NDUFS1: variants seen among roughly 807,000 people sequenced by gnomAD.
NDUFS1 encodes NADH:ubiquinone oxidoreductase core subunit S1.
Under a neutral mutation model 84.4 loss-of-function variants are expected in NDUFS1, and 61 were observed. That is an observed-to-expected ratio of 0.72 (90% confidence interval 0.59 to 0.89). The LOEUF (loss-of-function observed/expected upper bound fraction) is 0.89. Among genes scored for constraint, NDUFS1 ranks in the 40% least tolerant of loss-of-function variants. NDUFS1 has a pLI of 0.00. For missense variants in NDUFS1, 891 were observed against 890.0 expected (o/e 1.00, Z -0.01); for synonymous variants, 275 against 290.0 (o/e 0.95, Z 0.53).
intron 12 of NDUFS1, 125 bp downstream of exon 12, chr2:206,141,811 AAAAAT>A: frequency 2.3e-6 from 2 of 852,268 alleles, no homozygotes; most frequent in Non-Finnish European, 1.8e-6. Context: ...AAAAAAAAAA[AAAAAT>A]TGTCTTCCAG....
At chr2:206,158,253 C>T (rs1687753241) in intron 1 of NDUFS1, among the ~76,000 whole-genome samples, 1 of 152,202 alleles carries the variant, frequency 6.6e-6, no homozygotes, top group South Asian at 2.1e-4. Context: ...TGAGCCACCG[C>T]CTCCGGCCTT....
At chr2:206,131,768 T>C (rs939337774) in intron 14 of NDUFS1, among the ~76,000 whole-genome samples, 1 of 151,902 alleles carries the variant, frequency 6.6e-6, no homozygotes. Context: ...TGAAACCCAG[T>C]CTCTACTAAA....
chr2:206,140,637 T>C (rs926784166), intron 12 of NDUFS1, among the ~76,000 whole-genome samples: 3 of 151,744 alleles, frequency 2.0e-5, no homozygotes, highest in Non-Finnish European at 4.4e-5. Context: ...TGCGCCACCA[T>C]GCCCGGCTAA....
At position 206,132,458 on chromosome 2, in the gene NDUFS1, G is replaced by A. The variant is rs555691083; in HGVS notation, c.1553+487C>T. 2.6e-5 allele frequency among the ~76,000 whole-genome samples: 4 copies of A among 152,180 alleles called. No individual in the cohort carries two copies. In the East Asian group the frequency reaches 5.8e-4, roughly 22 times the overall value. On this transcript the variant is annotated intron_variant, in intron 14 of 18. Coordinates refer to ENST00000233190, the MANE Select transcript of NDUFS1 (RefSeq NM_005006.7). ...TTAGCTGGGCATGTGGCATGCGCCT[G>A]TAGCTTCAGCCATTTAATACTTGGG...
In NDUFS1 at chr2:206,116,068, G is replaced by T; in HGVS notation, c.*8117C>A. 1 of 969,244 alleles carries T rather than the reference G, an allele frequency of 1.0e-6. No individual in the cohort carries two copies. Among genetic ancestry groups the T allele is most frequent in the African/African-American group, 1.6e-5 (1 of 62,866 alleles). 60.0% of individuals were successfully genotyped at this position (969,244 alleles called of 1,614,324 possible). On this transcript the variant is annotated 3_prime_UTR_variant, in exon 19 of 19. Transcript: ENST00000233190. ...ACCACTAATTTAGGACAACTCTGCT[G>T]GGTTGCGTTATTTCATACTAGCTTA...
At chr2:206,145,196 T>C (rs529470721) in intron 8 of NDUFS1, among the ~76,000 whole-genome samples, 170 bp from the exon 9 acceptor site, 9 of 152,276 alleles carry the variant, frequency 5.9e-5, no homozygotes, top group African/African-American at 1.7e-4. Context: ...CCTTTTTTTT[T>C]GCCCTGGGGT....
At chr2:206,141,416 C>T (rs367654916) in intron 12 of NDUFS1, among the ~76,000 whole-genome samples, 70 of 151,854 alleles carry the variant, frequency 4.6e-4, no homozygotes, top group African/African-American at 1.6e-3. Flanking sequence ...CCTGTAGTCC[C>T]AGCTACTCGG....
chr2:206,115,939 A>C lies in NDUFS1; in HGVS notation c.*8246T>G, dbSNP rs890323957. 1 of 658,464 alleles carries C rather than the reference A, an allele frequency of 1.5e-6. No individual in the cohort carries two copies. The highest frequency in any genetic ancestry group is 2.8e-6 in the Non-Finnish European group (1 of 360,370). 40.8% of individuals were successfully genotyped at this position (658,464 alleles called of 1,614,324 possible). A position where few individuals can be genotyped will look rare whatever the true frequency, so the allele number is the denominator to read the frequency against. ...AAAGACACATATTATGTTTATCTAC[A>C]ATCATTAGAAAGTTAAAAGGCATCT... On this transcript the variant is annotated 3_prime_UTR_variant, in exon 19 of 19. Transcript: ENST00000233190.
At chr2:206,159,262 G>A in intron 1 of NDUFS1, 79 bp downstream of exon 1, 1 of 892,970 alleles carries the variant, frequency 1.1e-6, no homozygotes, top group Non-Finnish European at 1.8e-6. Context: ...TACGTCGCGT[G>A]GGCCAAAGGA....
In NDUFS1 at chr2:206,116,689, G is replaced by C. The variant is rs867886831; in HGVS notation, c.*7496C>G. 22 of 373,652 alleles carry C rather than the reference G, an allele frequency of 5.9e-5. No individual in the cohort carries two copies. Among genetic ancestry groups the C allele is most frequent in the Admixed American group, 2.8e-4 (7 of 24,966 alleles). The allele number at this position is 373,652 out of a possible 1,614,324, so 23.1% of individuals were successfully genotyped here. A position where few individuals can be genotyped will look rare whatever the true frequency, so the allele number is the denominator to read the frequency against. On this transcript the variant is annotated 3_prime_UTR_variant, in exon 19 of 19. Coordinates refer to ENST00000233190, the MANE Select transcript of NDUFS1 (RefSeq NM_005006.7). ...GCGCCTGGGCCCAGGGGTTCAAGACGAGCCTGGGCAACATAGTGAGACCTG... is the reference window on the plus strand; with the variant it reads ...GCGCCTGGGCCCAGGGGTTCAAGACCAGCCTGGGCAACATAGTGAGACCTG...
chr2:206,129,007 T>C (rs993935152), intron 15 of NDUFS1, among the ~76,000 whole-genome samples: 7 of 152,048 alleles, frequency 4.6e-5, no homozygotes, highest in Middle Eastern at 6.8e-3. Context: ...GAAAAAGGCA[T>C]AAACGAAAAA....
At position 206,127,795 on chromosome 2, in the gene NDUFS1, A is replaced by C. The variant is rs1575946453; in HGVS notation, c.1884+2T>G. On this transcript the variant is annotated splice_donor_variant, in intron 16 of 18. Coordinates refer to ENST00000233190, the MANE Select transcript of NDUFS1 (RefSeq NM_005006.7). LOFTEE classifies it high-confidence loss of function. ...CACTAAGAAATGACTCAGAAATTAT[A>C]CCTCAGAGAGTGCTCTTATAATTTT... 1 of 1,613,766 alleles carries C rather than the reference A, an allele frequency of 6.2e-7. No individual in the cohort carries two copies. The highest frequency in any genetic ancestry group is 1.3e-5 in the African/African-American group (1 of 74,926).
rs779109395 is a variant in NDUFS1 at position 206,144,095 on chromosome 2, C to T, written c.910G>A (p.Glu304Lys). 7.4e-6 allele frequency: 12 copies of T among 1,614,008 alleles called. No homozygotes were observed. The highest frequency in any genetic ancestry group is 5.5e-5 in the South Asian group (5 of 91,070). ...CCTTTTTCATTTCTGACCATTGGCT[C>T]GGTAAGTCTTTGACGTTTTAGCCCA... ...YDGLKRQRLT[E>K]PMVRNEKGLL... Residue 304 changes from glutamate to lysine, a missense_variant, in exon 10 of 19, where the codon GAG (glutamate) becomes AAG (lysine). By Grantham distance (56) the Glu-to-Lys change is moderately conservative. Coordinates refer to ENST00000233190, the MANE Select transcript of NDUFS1 (RefSeq NM_005006.7).
intron 3 of NDUFS1, among the ~76,000 whole-genome samples, chr2:206,151,450 C>T (rs1030645912): frequency 2.6e-5 from 4 of 152,174 alleles, no homozygotes; most frequent in African/African-American, 9.7e-5. Context: ...CAGGGATGAC[C>T]TGAGGCACCC....
chr2:206,124,081 AATT>A lies in NDUFS1; in HGVS notation c.*101_*103del, dbSNP rs767732893. 8.4e-5 allele frequency: 66 copies of A among 786,606 alleles called. No homozygotes were observed. Among genetic ancestry groups the A allele is most frequent in the Middle Eastern group, 6.9e-4 (3 of 4,320 alleles). The allele number at this position is 786,606 out of a possible 1,614,324, so 48.7% of individuals were successfully genotyped here. A position where few individuals can be genotyped will look rare whatever the true frequency, so the allele number is the denominator to read the frequency against. The stretch of plus-strand genomic sequence containing the variant: ...ATAACCTTAAATATTACATGATTCA[AATT>A]ATTATTATTTTTTTTTACAAAGAAA... On this transcript the variant is annotated 3_prime_UTR_variant, in exon 19 of 19. Transcript: ENST00000233190.
At chr2:206,130,755 G>A (rs970782306) in intron 14 of NDUFS1, among the ~76,000 whole-genome samples, 4 of 152,162 alleles carry the variant, frequency 2.6e-5, no homozygotes, top group Admixed American at 2.6e-4. Context: ...CAGATTCTTA[G>A]GACGCTCTGT....
At chr2:206,137,018 G>C (rs1490828575) in intron 13 of NDUFS1, among the ~76,000 whole-genome samples, 1 of 151,992 alleles carries the variant, frequency 6.6e-6, no homozygotes, top group African/African-American at 2.4e-5. Context: ...CTCCCAAAGT[G>C]CTGGGATTAC....
intron 12 of NDUFS1, among the ~76,000 whole-genome samples, chr2:206,140,253 G>A (rs1365502548): frequency 6.6e-6 from 1 of 152,068 alleles, no homozygotes; most frequent in Non-Finnish European, 1.5e-5. Flanking sequence ...GGAGGTTGTG[G>A]TGGGAGCATC....
rs1553505280 is a variant in NDUFS1, at chr2:206,140,943, T to TACACACACACACAC, written c.1262+997_1262+998insGTGTGTGTGTGTGT. On this transcript the variant is annotated intron_variant, in intron 12 of 18. Coordinates refer to ENST00000233190, the MANE Select transcript of NDUFS1 (RefSeq NM_005006.7). ...GTGTGTATATATATATATATATATA[T>TACACACACACACAC]ACACACACACTGAGAATCATAATAC... 7.1e-3 allele frequency among the ~76,000 whole-genome samples: 969 copies of TACACACACACACAC among 136,100 alleles called. 12 individuals carry two copies. The highest frequency in any genetic ancestry group is 0.026 in the Admixed American group (333 of 12,936). 89.3% of individuals were successfully genotyped at this position (136,100 alleles called of 152,430 possible). A position where few individuals can be genotyped will look rare whatever the true frequency, so the allele number is the denominator to read the frequency against.
Sources: allele counts gnomAD v4.1 joint callset (sites outside exome capture counted in the v4.1 genomes callset), GRCh38; gene constraint gnomAD v4.1.1; transcripts MANE v1.5; gene names NCBI Gene and HGNC (gene_info 2026-07-23, HGNC 2026-07-21).